ADARB2: variants seen among roughly 807,000 people sequenced by gnomAD.
ADARB2 encodes adenosine deaminase RNA specific B2 (inactive).
In ADARB2, 25 loss-of-function variants were observed where a neutral mutation model predicts 62.2. The observed-to-expected ratio is 0.40, with a 90% CI of 0.29 to 0.56. The LOEUF (loss-of-function observed/expected upper bound fraction) is 0.56, where lower values mean the gene tolerates loss of function less well. Among genes scored for constraint, ADARB2 ranks in the 20% least tolerant of loss-of-function variants. The pLI, the probability that ADARB2 is intolerant of heterozygous loss-of-function variation, is 0.43. For synonymous variants in ADARB2, 572 were observed against 500.8 expected (o/e 1.14, Z -1.90); for missense variants, 1,071 against 1,077.4 (o/e 0.99, Z 0.08).
intron 1 of ADARB2, among the ~76,000 whole-genome samples, chr10:1,601,871 C>CAAAGCA (rs999175424): frequency 6.6e-6 from 1 of 152,196 alleles, no homozygotes; most frequent in South Asian, 2.1e-4. Context: ...ACAGATAAAA[C>CAAAGCA]AAAGCAAAAG....
chr10:1,481,702 C>CA (rs1438106842), intron 1 of ADARB2, among the ~76,000 whole-genome samples: 3 of 151,812 alleles, frequency 2.0e-5, no homozygotes, highest in Admixed American at 6.6e-5. Flanking sequence ...ACTAAAAATA[C>CA]AAAAATTAGC....
chr10:1,710,262 A>G (rs1200987140), intron 1 of ADARB2, among the ~76,000 whole-genome samples: 1 of 152,090 alleles, frequency 6.6e-6, no homozygotes, highest in Non-Finnish European at 1.5e-5. Context: ...CCCCCTCATC[A>G]TCTCTGAGTC....
chr10:1,470,586 GT>G (rs1159676938), intron 1 of ADARB2, among the ~76,000 whole-genome samples: 1 of 152,208 alleles, frequency 6.6e-6, no homozygotes, highest in Non-Finnish European at 1.5e-5. Flanking sequence ...AGAACTTACT[GT>G]AAATGCATAA....
At chr10:1,292,943 GGAGAGAGGGAAGGAGAGAGAGGGA>G (rs1831480027) in intron 3 of ADARB2, 1 of 69,782 alleles carries the variant, frequency 1.4e-5, no homozygotes, top group Non-Finnish European at 2.8e-5. Context: ...ATCCTTCCAT[GGAGAGAGGGAAGGAGAGAGAGGGA>G]GAGGGAGGGA....
chr10:1,463,164 G>A (rs1831200865), intron 1 of ADARB2, among the ~76,000 whole-genome samples: 1 of 152,180 alleles, frequency 6.6e-6, no homozygotes, highest in Admixed American at 6.5e-5. Flanking sequence ...ATTGGGGGCT[G>A]CAGCGGGGGC....
chr10:1,322,374 C>T (rs1233027139), intron 3 of ADARB2, among the ~76,000 whole-genome samples: 1 of 152,210 alleles, frequency 6.6e-6, no homozygotes, highest in East Asian at 1.9e-4. Context: ...TTCTGTCTCT[C>T]TCCTTGTACT....
At chr10:1,680,354 C>T (rs1834521026) in intron 1 of ADARB2, among the ~76,000 whole-genome samples, 1 of 152,004 alleles carries the variant, frequency 6.6e-6, no homozygotes, top group Non-Finnish European at 1.5e-5. Context: ...CCTTTGGGTC[C>T]TCCCTCATCT....
intron 3 of ADARB2, among the ~76,000 whole-genome samples, chr10:1,359,170 G>C (rs533936354): frequency 6.6e-6 from 1 of 152,276 alleles, no homozygotes; most frequent in African/African-American, 2.4e-5. Flanking sequence ...GTCTTGAGTG[G>C]ACTGCAGATG....
chr10:1,354,229 C>T (rs1294885174), intron 3 of ADARB2, among the ~76,000 whole-genome samples: 1 of 152,130 alleles, frequency 6.6e-6, no homozygotes, highest in Non-Finnish European at 1.5e-5. Context: ...AATGTCAGGC[C>T]TCTGAGCCCA....
At chr10:1,260,283 T>A (rs1831123535) in intron 4 of ADARB2, among the ~76,000 whole-genome samples, 1 of 152,138 alleles carries the variant, frequency 6.6e-6, no homozygotes, top group Admixed American at 6.5e-5. Flanking sequence ...TTCAACATAG[T>A]GTTGGAAGTT....
intron 1 of ADARB2, among the ~76,000 whole-genome samples, chr10:1,678,882 A>G (rs10751814): frequency 0.93 from 141,551 of 152,150 alleles, 66,190 homozygotes; most frequent in Middle Eastern, 0.98. Flanking sequence ...CTTGCCCACC[A>G]GGTAAGACAT....
At chr10:1,377,746 CCCT>C (rs1777252682) in intron 2 of ADARB2, among the ~76,000 whole-genome samples, 2 of 152,070 alleles carry the variant, frequency 1.3e-5, no homozygotes, top group Non-Finnish European at 2.9e-5. Flanking sequence ...TGCCGGCACA[CCCT>C]CCTCCTAACC....
chr10:1,201,572 C>T (rs1836985306), intron 7 of ADARB2, among the ~76,000 whole-genome samples: 1 of 151,198 alleles, frequency 6.6e-6, no homozygotes, highest in South Asian at 2.1e-4. Context: ...GAGCGCCTGT[C>T]ACCGAGGACC....
At chr10:1,226,443 T>G (rs1830747091) in intron 6 of ADARB2, among the ~76,000 whole-genome samples, 1 of 152,260 alleles carries the variant, frequency 6.6e-6, no homozygotes, top group Admixed American at 6.5e-5. Context: ...TTTGTTCCAT[T>G]GCTGGTGAGG....
At chr10:1,658,560 CTCTA>C (rs377679100) in intron 1 of ADARB2, among the ~76,000 whole-genome samples, 38 of 152,322 alleles carry the variant, frequency 2.5e-4, no homozygotes, top group African/African-American at 7.9e-4. Flanking sequence ...CTCTCTGTCT[CTCTA>C]TCTCTCTCTC....
chr10:1,555,901 C>T lies in ADARB2; in HGVS notation c.101-176741G>A, dbSNP rs541811810. On this transcript the variant is annotated intron_variant, in intron 1 of 9. Transcript: ENST00000381312. ...AGTGAGCCGAGATCACACCACTGCA[C>T]TCCAGCCTGGGTGACAGAGTGAGAA... Among the ~76,000 whole-genome samples the T allele has an allele frequency of 2.0e-5, 3 of 152,308 alleles. No homozygotes were observed. The East Asian group carries it at 5.8e-4, about 29-fold the overall frequency.
At chr10:1,730,981 G>A (rs1408351517) in intron 1 of ADARB2, among the ~76,000 whole-genome samples, 2 of 152,088 alleles carry the variant, frequency 1.3e-5, no homozygotes, top group African/African-American at 4.8e-5. Context: ...CCTATGACTA[G>A]AATAAAAGGT....
chr10:1,586,461 C>T (rs532339276), intron 1 of ADARB2, among the ~76,000 whole-genome samples: 3 of 152,278 alleles, frequency 2.0e-5, no homozygotes, highest in East Asian at 1.9e-4. Context: ...ACTTCACTTC[C>T]GGAATAGAGT....
chr10:1,213,726 G>A (rs181303143), intron 7 of ADARB2, among the ~76,000 whole-genome samples: 2 of 152,334 alleles, frequency 1.3e-5, no homozygotes, highest in African/African-American at 4.8e-5. Context: ...CCAAATCCCG[G>A]ACACTGAAAG....
Sources: gnomAD v4.1 joint callset for allele counts (sites outside exome capture counted in the v4.1 genomes callset) on GRCh38, gnomAD v4.1.1 for gene constraint, MANE v1.5 for transcripts, NCBI Gene and HGNC (gene_info 2026-07-23, HGNC 2026-07-21) for gene names.